The following UBA3 variants were observed in gnomAD, a reference collection of about 807,000 sequenced individuals.
The protein encoded by UBA3 is ubiquitin like modifier activating enzyme 3, also known as NEDD8-activating enzyme E1 catalytic subunit.
Under a neutral mutation model 73.5 loss-of-function variants are expected in UBA3, and 26 were observed. The ratio of observed to expected loss-of-function variants is 0.35; its 90% CI spans 0.26 to 0.49. UBA3 has a LOEUF of 0.49. Ranked by LOEUF, UBA3 falls within the 20% of genes least tolerant of loss-of-function variation. UBA3 has a pLI of 0.98. For missense variants in UBA3, 495 were observed against 555.6 expected, an observed-to-expected ratio of 0.89 and a Z score of 1.10; for synonymous variants, 217 against 191.2, an observed-to-expected ratio of 1.13 and a Z score of -1.11.
chr3:69,075,499 G>C lies in UBA3; in HGVS notation c.195C>G (p.Phe65Leu), dbSNP rs139734072. 28 of 1,549,334 alleles carry C rather than the reference G, an allele frequency of 1.8e-5. No homozygotes were observed. The highest frequency in any genetic ancestry group is 2.3e-5 in the Non-Finnish European group (27 of 1,151,630). The change falls in exon 4 of 18, where the codon TTC (phenylalanine) becomes TTG (leucine). Residue 65 changes from phenylalanine to leucine, a missense_variant. Transcript: ENST00000361055. The stretch of plus-strand genomic sequence containing the variant: ...CTAGAACTTTACATGTATCTAACAA[G>C]AACTGGAGAGACTGTAAAGAATGGA... ...DFEPSTESLQ[F>L]LLDTCKVLVI...
intron 11 of UBA3, among the ~76,000 whole-genome samples, chr3:69,059,127 C>G (rs1047615891): frequency 1.3e-5 from 2 of 152,080 alleles, no homozygotes; most frequent in African/African-American, 2.4e-5. Context: ...GGGGAGATAA[C>G]ACAAAAGTAA....
chr3:69,080,324 CG>C lies in UBA3; in HGVS notation c.20+9del. The C allele has an allele frequency of 2.5e-6, 4 of 1,603,748 alleles. No homozygotes were observed. The highest frequency in any genetic ancestry group is 3.4e-6 in the Non-Finnish European group (4 of 1,177,116). On this transcript the variant is annotated intron_variant, in intron 1 of 17. Coordinates refer to ENST00000361055, the MANE Select transcript of UBA3 (RefSeq NM_003968.4). The stretch of plus-strand genomic sequence containing the variant: ...CCAGCCCGGCGCGTCTGCAGAGCCC[CG>C]GTACTTACGGCTCCTCGCCATCCGC...
chr3:69,062,973 T>C lies in UBA3; in HGVS notation c.693+9A>G, dbSNP rs763035954. The C allele has an allele frequency of 1.2e-6, 2 of 1,612,888 alleles. No individual in the cohort carries two copies. The highest frequency in any genetic ancestry group is 1.3e-5 in the African/African-American group (1 of 74,892). ...ACTATAAAAGAAATGCAGGTGCTTT[T>C]TTGATTACCTGTGGTGGATAAAGTT... is the stretch of plus-strand genomic sequence containing the variant. On this transcript the variant is annotated intron_variant, in intron 9 of 17. Transcript: ENST00000361055.
rs749668729 is a variant in UBA3 at position 69,064,116 on chromosome 3, A to T, written c.429-5T>A. 1.9e-6 allele frequency: 3 copies of T among 1,600,946 alleles called. No individual in the cohort carries two copies. Among genetic ancestry groups the T allele is most frequent in the Non-Finnish European group, 2.6e-6 (3 of 1,175,304 alleles). On this transcript the variant is annotated splice_region_variant and splice_polypyrimidine_tract_variant and intron_variant, in intron 6 of 17. Coordinates refer to ENST00000361055, the MANE Select transcript of UBA3 (RefSeq NM_003968.4). The stretch of plus-strand genomic sequence containing the variant: ...TCTTGAATCTTGTTGAAATGTCTGA[A>T]TACAAGTAAAGGAACTTAAGCAGCT...
At chr3:69,075,380 CT>C in intron 4 of UBA3, 49 bp downstream of exon 4, 1 of 919,388 alleles carries the variant, frequency 1.1e-6, no homozygotes. Context: ...GTAAGGTTTA[CT>C]TATCACAAAG....
chr3:69,062,225 T>C, intron 9 of UBA3, 46 bp from the exon 10 acceptor site: 1 of 1,278,302 alleles, frequency 7.8e-7, no homozygotes, highest in Non-Finnish European at 1.1e-6. Context: ...AACGAATTAT[T>C]TTAAAATGCA....
At chr3:69,060,761 A>T (rs931856850) in intron 11 of UBA3, among the ~76,000 whole-genome samples, 22 of 152,218 alleles carry the variant, frequency 1.4e-4, no homozygotes, top group Admixed American at 9.2e-4. Context: ...CAGATCCCAC[A>T]TGCATGGCTT....
intron 6 of UBA3, among the ~76,000 whole-genome samples, chr3:69,067,317 C>A (rs1045538335): frequency 2.0e-5 from 3 of 151,950 alleles, no homozygotes; most frequent in Admixed American, 6.6e-5. Flanking sequence ...ATTTATTTTT[C>A]TTTCTAAGCA....
intron 9 of UBA3, 67 bp downstream of exon 9, chr3:69,062,915 C>G: frequency 6.4e-7 from 1 of 1,554,486 alleles, no homozygotes; most frequent in Non-Finnish European, 8.8e-7. Context: ...ATTAACTAGA[C>G]TTAATAATTA....
intron 4 of UBA3, among the ~76,000 whole-genome samples, chr3:69,073,283 C>CA (rs2092136820): frequency 1.3e-5 from 2 of 152,214 alleles, no homozygotes. Context: ...AATGCTCCCC[C>CA]AACCCACTTC....
chr3:69,056,675 A>G lies in UBA3; in HGVS notation c.1020T>C (p.Asn340=). The G allele has an allele frequency of 3.1e-6, 5 of 1,613,500 alleles. No individual in the cohort carries two copies. Among genetic ancestry groups the G allele is most frequent in the Non-Finnish European group, 4.2e-6 (5 of 1,179,600 alleles). The change falls in exon 14 of 18, where the codon AAT becomes AAC. Residue 340 remains asparagine (N), a synonymous_variant. Transcript: ENST00000361055. ...KIATSAYIPL[N]NYLVFNDVDG... is the part of the protein sequence containing the mutation. ...CTACATCATTAAACACCAAGTAATT[A>G]TTCAAGGGAATGTATGCACTGTAAT...
At chr3:69,060,981 A>G (rs2092016476) in intron 11 of UBA3, among the ~76,000 whole-genome samples, 1 of 152,216 alleles carries the variant, frequency 6.6e-6, no homozygotes, top group Non-Finnish European at 1.5e-5. Flanking sequence ...TGAGCCAAAT[A>G]AACCTCTTTC....
At chr3:69,064,736 A>G (rs1402610180) in intron 6 of UBA3, among the ~76,000 whole-genome samples, 2 of 152,182 alleles carry the variant, frequency 1.3e-5, no homozygotes, top group Non-Finnish European at 2.9e-5. Flanking sequence ...ACTCCATTCA[A>G]AACTGATTGT....
At chr3:69,070,445 C>A (rs1168376316) in intron 5 of UBA3, among the ~76,000 whole-genome samples, 1 of 151,908 alleles carries the variant, frequency 6.6e-6, no homozygotes, top group East Asian at 1.9e-4. Context: ...TCCTATATAC[C>A]CAGAACAATT....
chr3:69,077,364 T>C (rs557614498), intron 3 of UBA3: 1 of 153,382 alleles, frequency 6.5e-6, no homozygotes, highest in East Asian at 1.9e-4. Flanking sequence ...CAGTCCAAAA[T>C]TCTACGCCTC....
intron 9 of UBA3, 145 bp from the exon 10 acceptor site, chr3:69,062,324 A>G (rs2092028510): frequency 4.8e-6 from 3 of 621,028 alleles, no homozygotes; most frequent in African/African-American, 1.8e-5. Flanking sequence ...CTCTCAAACT[A>G]TAATACAGAT....
chr3:69,059,515 C>T lies in UBA3; in HGVS notation c.911-2206G>A, dbSNP rs908662121. ...TGATTAGGAAAACTGGTTAAGCAGA[C>T]ACCTAAGAGATGAGGAGCCAGCCTG... On this transcript the variant is annotated intron_variant, in intron 11 of 17. Coordinates refer to ENST00000361055, the MANE Select transcript of UBA3 (RefSeq NM_003968.4). Among the ~76,000 whole-genome samples the T allele has an allele frequency of 8.5e-5, 13 of 152,092 alleles. 1 individual carries two copies.
Position 69,063,115 on chromosome 3 carries a change from T to C in UBA3, c.560A>G (p.Asp187Gly). The C allele has an allele frequency of 6.2e-7, 1 of 1,613,994 alleles. No homozygotes were observed. Residue 187 changes from aspartate to glycine, a missense_variant, in exon 9 of 18, where the codon GAT becomes GGT. By Grantham distance (94) the Asp-to-Gly change is moderately conservative. Coordinates refer to ENST00000361055, the MANE Select transcript of UBA3 (RefSeq NM_003968.4). ...GMLISLLNYE[D>G]GVLDPSSIVP... is the part of the protein sequence containing the mutation. The stretch of plus-strand genomic sequence containing the variant: ...AATGGAGCTTGGATCTAAGACACCA[T>C]CTTCATAATTTAGAAGAGATATCTA...
chr3:69,067,277 TCTTA>T (rs1421800505), intron 6 of UBA3, among the ~76,000 whole-genome samples: 1 of 152,222 alleles, frequency 6.6e-6, no homozygotes, highest in Non-Finnish European at 1.5e-5. Context: ...TATATAAATC[TCTTA>T]CTTATCTTGT....
Sources: gnomAD v4.1 joint callset for allele counts (sites outside exome capture counted in the v4.1 genomes callset) on GRCh38, gnomAD v4.1.1 for gene constraint, MANE v1.5 for transcripts, NCBI Gene and HGNC (gene_info 2026-07-23, HGNC 2026-07-21) for gene names.